Variants in FOXN4 observed in about 807,000 individuals in gnomAD.
FOXN4 encodes forkhead box N4.
In FOXN4, 12 loss-of-function variants were observed where a neutral mutation model predicts 45.0. The observed-to-expected ratio is 0.27, with a 90% CI of 0.17 to 0.43. FOXN4 has a LOEUF of 0.43. FOXN4 is among the 20% of genes least tolerant of loss of function. The pLI is 1.00. For synonymous variants in FOXN4, 297 were observed against 295.0 expected (o/e 1.01, Z -0.07); for missense variants, 560 against 694.9 (o/e 0.81, Z 2.18).
chr12:109,284,554 C>T (rs936047528), intron 8 of FOXN4, among the ~76,000 whole-genome samples: 11 of 146,562 alleles, frequency 7.5e-5, no homozygotes, highest in African/African-American at 2.0e-4. Context: ...CTTGTGTGTG[C>T]GCACGTGTGT....
Position 109,287,139 on chromosome 12 carries a change from C to T in FOXN4, c.596+258G>A, listed in dbSNP as rs1333365849. ...AAATCGAGGCTCAGAGAGGTCATCC[C>T]ACTTCCCCAAGGCCACGTGGCTTAT... is the stretch of plus-strand genomic sequence containing the variant. On this transcript the variant is annotated intron_variant, in intron 6 of 9. Transcript: ENST00000299162. This position sits in a 1 kb window ranked among gnomAD's most constrained non-coding sequence, Gnocchi z 4.1. 6.6e-6 allele frequency among the ~76,000 whole-genome samples: 1 copy of T among 152,172 alleles called. No homozygotes were observed. The highest frequency in any genetic ancestry group is 1.9e-4 in the East Asian group (1 of 5,182).
chr12:109,301,738 G>A (rs1236503719), intron 2 of FOXN4, among the ~76,000 whole-genome samples: 2 of 152,144 alleles, frequency 1.3e-5, no homozygotes, highest in Non-Finnish European at 1.5e-5. Context: ...ACTTATACAT[G>A]TTTCCAGTCT....
At chr12:109,292,949 C>T (rs1342678374) in intron 2 of FOXN4, among the ~76,000 whole-genome samples, 2 of 152,198 alleles carry the variant, frequency 1.3e-5, no homozygotes, top group Non-Finnish European at 2.9e-5. Flanking sequence ...CCTGATTCTT[C>T]TCTTTCCTGC....
Position 109,285,322 on chromosome 12 carries a change from G to C in FOXN4, c.883C>G (p.Arg295Gly). The stretch of plus-strand genomic sequence containing the variant: ...CCCTCACCAGGGTTGGCCATACTCC[G>C]GTGGATGGCAGCCAGGTCCTTCCTC... ...WKRKDLAAIH[R>G]SMANPEELDK... The change falls in exon 8 of 10, where the codon CGG (arginine) becomes GGG (glycine). Residue 295 changes from arginine to glycine, a missense_variant. Coordinates refer to ENST00000299162, the MANE Select transcript of FOXN4 (RefSeq NM_213596.3). 1 of 1,608,922 alleles carries C rather than the reference G, an allele frequency of 6.2e-7. No homozygotes were observed.
chr12:109,292,078 C>T (rs1468862068), intron 2 of FOXN4, among the ~76,000 whole-genome samples: 1 of 152,214 alleles, frequency 6.6e-6, no homozygotes, highest in Non-Finnish European at 1.5e-5. Context: ...AGGGGCAGGG[C>T]CTGCTATGCC....
At chr12:109,284,558 C>CGTGTGTGTGTGTGCGTGCGT (rs144054293) in intron 8 of FOXN4, among the ~76,000 whole-genome samples, 4 of 148,302 alleles carry the variant, frequency 2.7e-5, no homozygotes, top group African/African-American at 1.0e-4. Context: ...TGTGTGCGCA[C>CGTGTGTGTGTGTGCGTGCGT]GTGTGTGTGC....
chr12:109,284,593 G>C (rs545420331), intron 8 of FOXN4, among the ~76,000 whole-genome samples: 1 of 150,040 alleles, frequency 6.7e-6, no homozygotes, highest in Non-Finnish European at 1.5e-5. Context: ...GCGCGCTGTG[G>C]GCTGTCCGGG....
chr12:109,287,276 C>A lies in FOXN4; in HGVS notation c.596+121G>T. 1 of 1,376,400 alleles carries A rather than the reference C, an allele frequency of 7.3e-7. No individual in the cohort carries two copies. Among genetic ancestry groups the A allele is most frequent in the Non-Finnish European group, 9.8e-7 (1 of 1,016,608 alleles). The allele number at this position is 1,376,400 out of a possible 1,614,324, so 85.3% of individuals were successfully genotyped here. A position where few individuals can be genotyped will look rare whatever the true frequency, so the allele number is the denominator to read the frequency against. ...TCCCACCTGGGGGTTCCCCACTCCC[C>A]AAAACCTCCCCCTTGGAAGTCTGGG... On this transcript the variant is annotated intron_variant, in intron 6 of 9. Transcript: ENST00000299162. This position sits in a 1 kb window ranked among gnomAD's most constrained non-coding sequence, Gnocchi z 4.1.
Position 109,287,621 on chromosome 12 carries a change from T to G in FOXN4, c.469-97A>C, listed in dbSNP as rs2047726573. The G allele has an allele frequency of 1.4e-6, 2 of 1,405,096 alleles. No homozygotes were observed. The highest frequency in any genetic ancestry group is 1.9e-6 in the Non-Finnish European group (2 of 1,057,898). 87.0% of individuals were successfully genotyped at this position (1,405,096 alleles called of 1,614,324 possible). Reference sequence around the variant, plus strand: ...CAGTAACACTGTCCCCACCCCAGTTTCAAAACACCTTGTGTGGGGATTCAC... The same window carrying G: ...CAGTAACACTGTCCCCACCCCAGTTGCAAAACACCTTGTGTGGGGATTCAC... On this transcript the variant is annotated intron_variant, in intron 5 of 9. Transcript: ENST00000299162. The surrounding 1 kb of genome is among the most constrained non-coding windows in gnomAD (Gnocchi z 4.1).
In FOXN4 at chr12:109,281,512, G is replaced by A. The variant is rs374757575; in HGVS notation, c.1189C>T (p.His397Tyr). The A allele has an allele frequency of 2.7e-5, 44 of 1,613,798 alleles. No individual in the cohort carries two copies. The highest frequency in any genetic ancestry group is 8.9e-5 in the East Asian group (4 of 44,896). The change falls in exon 9 of 10, where the codon CAC becomes TAC. Residue 397 changes from histidine (H) to tyrosine (Y), a missense_variant. This residue lies in a region of FOXN4 where 315 missense variants were observed against 350.5 expected (regional missense o/e 0.90). Coordinates refer to ENST00000299162, the MANE Select transcript of FOXN4 (RefSeq NM_213596.3). ...ACAGGAGCCCTTCCCATGGCGGGGT[G>A]GGGGAGCGGGCTGGGGCTGAGGTCC... ...LPDLSPSPLPHPAMGRAPVDF... is the reference protein window; with the variant it reads ...LPDLSPSPLPYPAMGRAPVDF...
At chr12:109,308,911 A>C (rs899948589) in intron 1 of FOXN4, among the ~76,000 whole-genome samples, 7 of 152,208 alleles carry the variant, frequency 4.6e-5, no homozygotes, top group Non-Finnish European at 7.3e-5. Flanking sequence ...GAGTTCCCTA[A>C]GTTTCTCAAA....
Position 109,278,087 on chromosome 12 carries a change from G to A in FOXN4, c.*1584C>T, listed in dbSNP as rs2047622036. On this transcript the variant is annotated 3_prime_UTR_variant, in exon 10 of 10. Transcript: ENST00000299162. Reference sequence around the variant, plus strand: ...AATAACAGTTTCAACATCTTATCAGGGGTCATGTTACACAAAGCAGATGAG... The same window carrying A: ...AATAACAGTTTCAACATCTTATCAGAGGTCATGTTACACAAAGCAGATGAG... 1 of 152,244 alleles carries A rather than the reference G, an allele frequency of 6.6e-6. No homozygotes were observed. Among genetic ancestry groups the A allele is most frequent in the Non-Finnish European group, 1.5e-5 (1 of 68,054 alleles). 9.4% of individuals were successfully genotyped at this position (152,244 alleles called of 1,614,324 possible). A position where few individuals can be genotyped will look rare whatever the true frequency, so the allele number is the denominator to read the frequency against.
Position 109,279,635 on chromosome 12 carries a change from G to A in FOXN4, c.*36C>T, listed in dbSNP as rs755867408. 1.4e-5 allele frequency: 22 copies of A among 1,558,998 alleles called. No homozygotes were observed. Among genetic ancestry groups the A allele is most frequent in the South Asian group, 4.7e-5 (4 of 84,342 alleles). ...TTCTAGTCAGTTCTCTGCCCAAGCC[G>A]GGTGCCGGGGTTCCAGGGCAGGTGA... On this transcript the variant is annotated 3_prime_UTR_variant, in exon 10 of 10. Transcript: ENST00000299162.
chr12:109,303,324 A>G (rs927797482), intron 2 of FOXN4, among the ~76,000 whole-genome samples: 4 of 152,218 alleles, frequency 2.6e-5, no homozygotes, highest in Admixed American at 6.5e-5. Context: ...ATCACAACTG[A>G]TGGGTGAAGC....
intron 2 of FOXN4, among the ~76,000 whole-genome samples, chr12:109,302,293 T>C (rs1457184223): frequency 6.6e-6 from 1 of 152,236 alleles, no homozygotes; most frequent in Non-Finnish European, 1.5e-5. Context: ...CCATAGAGCC[T>C]GGCAGGTGCC....
chr12:109,296,869 G>A (rs1217545344), intron 2 of FOXN4, among the ~76,000 whole-genome samples: 1 of 152,246 alleles, frequency 6.6e-6, no homozygotes, highest in Admixed American at 6.5e-5. Flanking sequence ...GGGTGGACAA[G>A]CCCCTGGTGT....
At chr12:109,297,813 A>T (rs1187731309) in intron 2 of FOXN4, among the ~76,000 whole-genome samples, 1 of 152,206 alleles carries the variant, frequency 6.6e-6, no homozygotes, top group South Asian at 2.1e-4. Flanking sequence ...GTGTCTCCCC[A>T]ATAGGCAGGC....
At chr12:109,303,179 G>A (rs1232609826) in intron 2 of FOXN4, among the ~76,000 whole-genome samples, 1 of 152,004 alleles carries the variant, frequency 6.6e-6, no homozygotes, top group Non-Finnish European at 1.5e-5. Context: ...GGAAAGAGTC[G>A]GACCACAGAG....
intron 2 of FOXN4, among the ~76,000 whole-genome samples, chr12:109,307,391 G>A (rs1386535111): frequency 6.6e-6 from 1 of 152,152 alleles, no homozygotes; most frequent in Non-Finnish European, 1.5e-5. Context: ...CTGGAAACGA[G>A]GTCAGGGCTC....
Sources: gnomAD v4.1 joint callset for allele counts (sites outside exome capture counted in the v4.1 genomes callset) on GRCh38, gnomAD v4.1.1 for gene constraint, gnomAD v4.1.1 regional missense constraint, Gnocchi (gnomAD v3.1) non-coding constraint, MANE v1.5 for transcripts, NCBI Gene and HGNC (gene_info 2026-07-23, HGNC 2026-07-21) for gene names.